SESN3: variants seen among roughly 807,000 people sequenced by gnomAD.
SESN3 encodes the protein sestrin 3, also known as sestrin-3.
Under a neutral mutation model 55.3 loss-of-function variants are expected in SESN3, and 21 were observed. The ratio of observed to expected loss-of-function variants is 0.38; its 90% CI spans 0.27 to 0.55. The LOEUF is 0.55. SESN3 is among the 20% of genes least tolerant of loss of function. The pLI is 0.76. For synonymous variants in SESN3, 181 were observed against 203.1 expected, an observed-to-expected ratio of 0.89 and a Z score of 0.93; for missense variants, 408 against 604.3, an observed-to-expected ratio of 0.68 and a Z score of 3.41.
chr11:95,231,153 C>A lies in SESN3; in HGVS notation c.-293G>T. 2.4e-6 allele frequency: 1 copy of A among 411,246 alleles called. No individual in the cohort carries two copies. The highest frequency in any genetic ancestry group is 4.2e-6 in the Non-Finnish European group (1 of 235,978). The allele number at this position is 411,246 out of a possible 1,614,324, so 25.5% of individuals were successfully genotyped here. The stretch of plus-strand genomic sequence containing the variant: ...CCCGCCCCCGCCAGGCTAGGACGAG[C>A]AGCCGCCACCGCTGCCACCGCCACC... On this transcript the variant is annotated 5_prime_UTR_variant, in exon 1 of 10. Transcript: ENST00000536441.
At position 95,166,700 on chromosome 11, in the gene SESN3, G is replaced by C. The variant is rs555686872; in HGVS notation, c.*6555C>G. Reference sequence around the variant, plus strand: ...GCCATGTTGCAAGTGGACCTGACAGGGTTCTTTATAACCTTGCTGAGACTG... The same window carrying C: ...GCCATGTTGCAAGTGGACCTGACAGCGTTCTTTATAACCTTGCTGAGACTG... On this transcript the variant is annotated 3_prime_UTR_variant, in exon 10 of 10. Transcript: ENST00000536441. The C allele has an allele frequency of 6.6e-6, 1 of 152,274 alleles. No individual in the cohort carries two copies. The highest frequency in any genetic ancestry group is 6.5e-5 in the Admixed American group (1 of 15,300). 9.4% of individuals were successfully genotyped at this position (152,274 alleles called of 1,614,324 possible).
rs1295297385 is a variant in SESN3 at position 95,166,746 on chromosome 11, C to T, written c.*6509G>A. ...GACTGTGTATGTGTATGTGCCTATACTAGTAGCACTGAGAAGATGCCAAAC... is the reference window on the plus strand; with the variant it reads ...GACTGTGTATGTGTATGTGCCTATATTAGTAGCACTGAGAAGATGCCAAAC... On this transcript the variant is annotated 3_prime_UTR_variant, in exon 10 of 10. Coordinates refer to ENST00000536441, the MANE Select transcript of SESN3 (RefSeq NM_144665.4). 2 of 152,204 alleles carry T rather than the reference C, an allele frequency of 1.3e-5. No individual in the cohort carries two copies. Among genetic ancestry groups the T allele is most frequent in the Non-Finnish European group, 2.9e-5 (2 of 68,032 alleles). 9.4% of individuals were successfully genotyped at this position (152,204 alleles called of 1,614,324 possible).
chr11:95,210,463 G>A (rs181307537), intron 1 of SESN3, among the ~76,000 whole-genome samples: 342 of 152,276 alleles, frequency 2.2e-3, no homozygotes, highest in Non-Finnish European at 3.8e-3. Flanking sequence ...AGCAGCAGAA[G>A]GATGATCTGA....
At chr11:95,196,512 C>A (rs760253640) in intron 1 of SESN3, among the ~76,000 whole-genome samples, 1 of 151,780 alleles carries the variant, frequency 6.6e-6, no homozygotes, top group East Asian at 1.9e-4. Flanking sequence ...AATTATAATG[C>A]CTTTCCTCCG....
At chr11:95,194,418 T>C (rs1412904000) in intron 1 of SESN3, among the ~76,000 whole-genome samples, 1 of 152,070 alleles carries the variant, frequency 6.6e-6, no homozygotes, top group African/African-American at 2.4e-5. Flanking sequence ...CAGTCAGGCA[T>C]TTAACACGAT....
At chr11:95,174,739 G>A (rs1414799596) in intron 9 of SESN3, among the ~76,000 whole-genome samples, 1 of 151,620 alleles carries the variant, frequency 6.6e-6, no homozygotes, top group Non-Finnish European at 1.5e-5. Flanking sequence ...CCCCCACCTC[G>A]GCCTCCCAAA....
intron 1 of SESN3, among the ~76,000 whole-genome samples, chr11:95,219,757 A>ATT (rs34154515): frequency 0.27 from 40,285 of 150,178 alleles, 5,913 homozygotes; most frequent in Non-Finnish European, 0.32. Flanking sequence ...ATTGAAAAAT[A>ATT]TTTTTTTTTT....
Position 95,185,450 on chromosome 11 carries a change from G to C in SESN3, c.568C>G (p.Leu190Val), listed in dbSNP as rs1228165482. ...GCCAGGAGGACCACAGCATGTACCAGTTCAGGCAGAGACCAATTATTTTCT... is the reference window on the plus strand; with the variant it reads ...GCCAGGAGGACCACAGCATGTACCACTTCAGGCAGAGACCAATTATTTTCT... ...TGENNWSLPE[L>V]VHAVVLLAHY... Residue 190 changes from leucine to valine, a missense_variant, in exon 5 of 10, where the codon CTG (leucine) becomes GTG (valine). Leu to Val is a conservative substitution (Grantham distance 32). This residue lies in a region of SESN3 where 107 missense variants were observed against 211.3 expected (regional missense o/e 0.51). Transcript: ENST00000536441. 6.2e-7 allele frequency: 1 copy of C among 1,612,898 alleles called. No individual in the cohort carries two copies. Among genetic ancestry groups the C allele is most frequent in the South Asian group, 1.1e-5 (1 of 91,038 alleles).
intron 1 of SESN3, among the ~76,000 whole-genome samples, chr11:95,198,220 T>C (rs887325397): frequency 3.3e-5 from 5 of 151,988 alleles, no homozygotes; most frequent in Admixed American, 6.6e-5. Context: ...GAGAATAATA[T>C]CAATTCTAGA....
At chr11:95,226,750 G>A (rs999151223) in intron 1 of SESN3, among the ~76,000 whole-genome samples, 14 of 152,176 alleles carry the variant, frequency 9.2e-5, no homozygotes, top group Non-Finnish European at 1.8e-4. Flanking sequence ...GAATAATTTT[G>A]TAATGAAAGA....
Position 95,167,335 on chromosome 11 carries a change from GACTT to G in SESN3, c.*5916_*5919del, listed in dbSNP as rs1467864597. On this transcript the variant is annotated 3_prime_UTR_variant, in exon 10 of 10. Transcript: ENST00000536441. ...ACAAAAATTCTATTCATCTTATTTA[GACTT>G]ACTAATGTTTGATGTTGTCCTATGA... The G allele has an allele frequency of 1.3e-5, 2 of 152,048 alleles. No individual in the cohort carries two copies. Among genetic ancestry groups the G allele is most frequent in the Non-Finnish European group, 2.9e-5 (2 of 67,994 alleles). 9.4% of individuals were successfully genotyped at this position (152,048 alleles called of 1,614,324 possible). A position where few individuals can be genotyped will look rare whatever the true frequency, so the allele number is the denominator to read the frequency against.
chr11:95,178,379 G>A (rs1193744070), intron 7 of SESN3, among the ~76,000 whole-genome samples: 1 of 152,012 alleles, frequency 6.6e-6, no homozygotes, highest in African/African-American at 2.4e-5. Context: ...CATGACTACT[G>A]GTATATGATT....
rs1057456768 is a variant in SESN3, at chr11:95,180,055, C to T, written c.938-1227G>A. Among the ~76,000 whole-genome samples, 82 of 152,176 alleles carry T rather than the reference C, an allele frequency of 5.4e-4. 1 individual carries two copies. Among genetic ancestry groups the T allele is most frequent in the African/African-American group, 1.9e-3 (77 of 41,540 alleles). ...TAACCATTAAAAGGGAATGAACAAG[C>T]TTCATTTACTAGCTTCTAGTCTAGA... On this transcript the variant is annotated intron_variant, in intron 6 of 9. Coordinates refer to ENST00000536441, the MANE Select transcript of SESN3 (RefSeq NM_144665.4).
chr11:95,174,542 G>A (rs1024450502), intron 9 of SESN3, among the ~76,000 whole-genome samples: 2 of 152,144 alleles, frequency 1.3e-5, no homozygotes, highest in Admixed American at 6.5e-5. Flanking sequence ...GGAGTGCAGT[G>A]GAGTGATCTC....
Position 95,173,246 on chromosome 11 carries a change from G to A in SESN3, c.*9C>T. On this transcript the variant is annotated 3_prime_UTR_variant, in exon 10 of 10. Transcript: ENST00000536441. ...TTACACATGTATGACATTTTCCTTG[G>A]GTGATACTTCAGGTCAAATGCCGAG... is the stretch of plus-strand genomic sequence containing the variant. 1 of 1,537,484 alleles carries A rather than the reference G, an allele frequency of 6.5e-7. No homozygotes were observed. Among genetic ancestry groups the A allele is most frequent in the Non-Finnish European group, 8.9e-7 (1 of 1,118,116 alleles).
intron 1 of SESN3, among the ~76,000 whole-genome samples, chr11:95,205,839 G>T (rs2199057): frequency 0.014 from 2,090 of 151,694 alleles, 13 homozygotes; most frequent in Middle Eastern, 0.02. Context: ...AGTCTAATTT[G>T]CTTTCCATTT....
chr11:95,207,666 G>T (rs989936352), intron 1 of SESN3, among the ~76,000 whole-genome samples: 7 of 151,314 alleles, frequency 4.6e-5, no homozygotes, highest in Non-Finnish European at 8.9e-5. Context: ...AAACTGATAC[G>T]TTCTGGATTT....
chr11:95,178,593 A>T, intron 7 of SESN3, 117 bp downstream of exon 7: 1 of 668,600 alleles, frequency 1.5e-6, no homozygotes, highest in South Asian at 1.8e-5. Flanking sequence ...ACTAGGTTAA[A>T]TACAAAGATT....
chr11:95,194,378 C>T (rs1860322947), intron 1 of SESN3, among the ~76,000 whole-genome samples: 1 of 151,938 alleles, frequency 6.6e-6, no homozygotes, highest in South Asian at 2.1e-4. Flanking sequence ...TCATTAGGAA[C>T]CAGTTACAAA....
Sources: allele counts gnomAD v4.1 joint callset (sites outside exome capture counted in the v4.1 genomes callset), GRCh38; gene constraint gnomAD v4.1.1; regional missense constraint gnomAD v4.1.1; transcripts MANE v1.5; gene names NCBI Gene and HGNC (gene_info 2026-07-23, HGNC 2026-07-21).